Variants in MARCHF3 observed in about 807,000 individuals in gnomAD.
The protein encoded by MARCHF3 is E3 ubiquitin-protein ligase MARCHF3.
In MARCHF3, 13 loss-of-function variants were observed where a neutral mutation model predicts 24.2. That is an observed-to-expected ratio of 0.54 (90% CI 0.35 to 0.85). MARCHF3 has a LOEUF of 0.85. Ranked by LOEUF, MARCHF3 falls within the 40% of genes least tolerant of loss-of-function variation. The pLI is 0.01. For synonymous variants in MARCHF3, 144 were observed against 137.3 expected (o/e 1.05, Z -0.34); for missense variants, 276 against 325.0 (o/e 0.85, Z 1.16).
chr5:126,997,367 A>G (rs1366508353), intron 1 of MARCHF3, among the ~76,000 whole-genome samples: 2 of 152,220 alleles, frequency 1.3e-5, no homozygotes, highest in Non-Finnish European at 2.9e-5. Flanking sequence ...TGGGTGAAGC[A>G]GAAGAAACAC....
chr5:126,896,175 C>T (rs987746178), intron 3 of MARCHF3, among the ~76,000 whole-genome samples: 5 of 152,164 alleles, frequency 3.3e-5, no homozygotes, highest in Admixed American at 6.6e-5. Context: ...GGCTGGCGCA[C>T]GGTGCGTGCA....
At chr5:126,895,839 C>T (rs889461754) in intron 3 of MARCHF3, among the ~76,000 whole-genome samples, 4 of 152,154 alleles carry the variant, frequency 2.6e-5, no homozygotes, top group Non-Finnish European at 5.9e-5. Context: ...GTGGGCTCCA[C>T]CCAGTTGGAG....
intron 1 of MARCHF3, among the ~76,000 whole-genome samples, chr5:126,934,236 G>A (rs564337780): frequency 6.6e-6 from 1 of 151,944 alleles, no homozygotes; most frequent in South Asian, 2.1e-4. Context: ...CAAGTGCTTG[G>A]CATATAATGG....
intron 4 of MARCHF3, among the ~76,000 whole-genome samples, chr5:126,875,777 C>G (rs1179555001): frequency 6.6e-6 from 1 of 152,174 alleles, no homozygotes; most frequent in East Asian, 1.9e-4. Flanking sequence ...CAGGAAGGAG[C>G]CTGGGGCCAA....
chr5:126,934,058 G>T (rs190855509), intron 1 of MARCHF3, among the ~76,000 whole-genome samples: 1 of 152,022 alleles, frequency 6.6e-6, no homozygotes, highest in Non-Finnish European at 1.5e-5. Flanking sequence ...AAACATACGC[G>T]ATTTCTTTAC....
intron 1 of MARCHF3, among the ~76,000 whole-genome samples, chr5:127,026,039 T>TA: frequency 6.7e-6 from 1 of 148,492 alleles, no homozygotes; most frequent in African/African-American, 2.5e-5. Flanking sequence ...AAAAGAAGCA[T>TA]AAAAAACTTG....
At chr5:126,947,059 A>C (rs1020994696) in intron 1 of MARCHF3, among the ~76,000 whole-genome samples, 1 of 152,208 alleles carries the variant, frequency 6.6e-6, no homozygotes, top group Non-Finnish European at 1.5e-5. Context: ...ACCATTTGGC[A>C]TTTCTTTTTC....
rs994612450 is a variant in MARCHF3 at position 126,870,557 on chromosome 5, G to A, written c.*76C>T. 5.8e-6 allele frequency: 8 copies of A among 1,384,898 alleles called. No individual in the cohort carries two copies. The highest frequency in any genetic ancestry group is 5.3e-5 in the Admixed American group (3 of 56,830). The allele number at this position is 1,384,898 out of a possible 1,614,324, so 85.8% of individuals were successfully genotyped here. A position where few individuals can be genotyped will look rare whatever the true frequency, so the allele number is the denominator to read the frequency against. On this transcript the variant is annotated 3_prime_UTR_variant, in exon 5 of 5. Coordinates refer to ENST00000308660, the MANE Select transcript of MARCHF3 (RefSeq NM_178450.5). ...AGGCTTAAGGAAGGGCTTGGGGGTC[G>A]CTCAGTGCATGACCCCAGTGCAGAC... is the stretch of plus-strand genomic sequence containing the variant.
Position 126,870,575 on chromosome 5 carries a change from G to A in MARCHF3, c.*58C>T. The A allele has an allele frequency of 1.3e-6, 2 of 1,563,598 alleles. No homozygotes were observed. The highest frequency in any genetic ancestry group is 1.1e-5 in the South Asian group (1 of 88,070). On this transcript the variant is annotated 3_prime_UTR_variant, in exon 5 of 5. Coordinates refer to ENST00000308660, the MANE Select transcript of MARCHF3 (RefSeq NM_178450.5). ...GGGGGTCGCTCAGTGCATGACCCCA[G>A]TGCAGACACTTCCAAACCCCAAACA...
At chr5:126,875,093 G>A (rs970462123) in intron 4 of MARCHF3, among the ~76,000 whole-genome samples, 1 of 152,110 alleles carries the variant, frequency 6.6e-6, no homozygotes, top group African/African-American at 2.4e-5. Context: ...GTCCATTACC[G>A]ACAATTTCTT....
intron 1 of MARCHF3, among the ~76,000 whole-genome samples, chr5:126,983,870 T>A (rs1751475939): frequency 6.6e-6 from 1 of 152,200 alleles, no homozygotes; most frequent in Admixed American, 6.5e-5. Context: ...CCAGCTTCCT[T>A]CATCTTTTTC....
rs150337747 is a variant in MARCHF3, at chr5:126,947,807, A to T, written c.-56-29580T>A. ...CCCTGGCCAATCTTTTTCTTGGTGC[A>T]GGATGTCATATGATCAGTCCAGGCA... On this transcript the variant is annotated intron_variant, in intron 1 of 4. Coordinates refer to ENST00000308660, the MANE Select transcript of MARCHF3 (RefSeq NM_178450.5). 4.0e-3 allele frequency among the ~76,000 whole-genome samples: 604 copies of T among 149,836 alleles called. 4 individuals carry two copies. The highest frequency in any genetic ancestry group is 0.014 in the African/African-American group (587 of 41,118).
intron 1 of MARCHF3, among the ~76,000 whole-genome samples, chr5:127,006,121 T>C (rs1325143557): frequency 6.6e-6 from 1 of 150,384 alleles, no homozygotes; most frequent in Admixed American, 6.7e-5. Context: ...GAGAATCACT[T>C]GAACCTGCAA....
intron 1 of MARCHF3, among the ~76,000 whole-genome samples, chr5:126,924,702 C>T (rs894691242): frequency 5.9e-5 from 9 of 152,128 alleles, no homozygotes; most frequent in East Asian, 3.8e-4. Context: ...CATGGAAAAA[C>T]GGCATATTTC....
In MARCHF3 at chr5:126,966,679, T is replaced by C. The variant is rs1041533457; in HGVS notation, c.-56-48452A>G. Among the ~76,000 whole-genome samples, 6 of 152,002 alleles carry C rather than the reference T, an allele frequency of 3.9e-5. No individual in the cohort carries two copies. The South Asian group carries it at 8.3e-4, about 21-fold the overall frequency. ...TCTAAAATAAATATTTACTTCCATA[T>C]ACCTTAAATACCATTTACTGAACAT... On this transcript the variant is annotated intron_variant, in intron 1 of 4. Coordinates refer to ENST00000308660, the MANE Select transcript of MARCHF3 (RefSeq NM_178450.5).
Position 126,980,704 on chromosome 5 carries a change from A to G in MARCHF3, c.-57+49646T>C, listed in dbSNP as rs573776947. ...TTTAAAACCCCAGCACAGGCCAAATAAAACACATCTATGGTTAGGTGGGCC... is the reference window on the plus strand; with the variant it reads ...TTTAAAACCCCAGCACAGGCCAAATGAAACACATCTATGGTTAGGTGGGCC... On this transcript the variant is annotated intron_variant, in intron 1 of 4. Coordinates refer to ENST00000308660, the MANE Select transcript of MARCHF3 (RefSeq NM_178450.5). 3.3e-5 allele frequency among the ~76,000 whole-genome samples: 5 copies of G among 152,256 alleles called. No individual in the cohort carries two copies. The East Asian group carries it at 9.7e-4, about 29-fold the overall frequency.
intron 1 of MARCHF3, among the ~76,000 whole-genome samples, chr5:126,963,821 C>T (rs2126824251): frequency 6.6e-6 from 1 of 152,268 alleles, no homozygotes; most frequent in African/African-American, 2.4e-5. Flanking sequence ...TGACGTTAAA[C>T]TCTTAAAGTC....
intron 3 of MARCHF3, among the ~76,000 whole-genome samples, chr5:126,883,737 C>A (rs770093982): frequency 1.3e-5 from 2 of 152,206 alleles, no homozygotes; most frequent in Non-Finnish European, 2.9e-5. Flanking sequence ...TGTTACAGAA[C>A]TTTAGACTCT....
At position 126,910,758 on chromosome 5, in the gene MARCHF3, G is replaced by C. The variant is rs182993455; in HGVS notation, c.393+4172C>G. 2.6e-3 allele frequency among the ~76,000 whole-genome samples: 403 copies of C among 152,088 alleles called. 2 individuals carry two copies. The highest frequency in any genetic ancestry group is 2.3e-3 in the Non-Finnish European group (153 of 67,992). On this transcript the variant is annotated intron_variant, in intron 3 of 4. Coordinates refer to ENST00000308660, the MANE Select transcript of MARCHF3 (RefSeq NM_178450.5). ...GTGTTTTTGAACAATATGATATCTG[G>C]GCACCTTGAAAAAAGAACAGGATAA... is the stretch of plus-strand genomic sequence containing the variant.
Sources: allele counts gnomAD v4.1 joint callset (sites outside exome capture counted in the v4.1 genomes callset), GRCh38; gene constraint gnomAD v4.1.1; transcripts MANE v1.5; gene names NCBI Gene and HGNC (gene_info 2026-07-23, HGNC 2026-07-21).